The following TBC1D1 variants were observed in gnomAD, a reference collection of about 807,000 sequenced individuals.
TBC1D1 encodes the protein TBC1 domain family member 1.
TBC1D1 carries 89 observed loss-of-function variants against 125.6 expected under a neutral mutation model. The ratio of observed to expected loss-of-function variants is 0.71; its 90% CI spans 0.60 to 0.85. The LOEUF is 0.85. Ranked by LOEUF, TBC1D1 falls within the 40% of genes least tolerant of loss-of-function variation. The pLI, the probability that TBC1D1 is intolerant of heterozygous loss-of-function variation, is 0.00. For missense variants in TBC1D1, 1,377 were observed against 1,469.2 expected, an observed-to-expected ratio of 0.94 and a Z score of 1.03; for synonymous variants, 565 against 564.1, an observed-to-expected ratio of 1.00 and a Z score of -0.02.
chr4:37,915,018 A>G (rs533517686), intron 2 of TBC1D1, among the ~76,000 whole-genome samples: 1 of 152,334 alleles, frequency 6.6e-6, no homozygotes, highest in South Asian at 2.1e-4. Flanking sequence ...TCTCGTTCGG[A>G]ATCATATGCT....
Position 37,948,780 on chromosome 4 carries a change from TC to T in TBC1D1, c.417+46271del, listed in dbSNP as rs1727255290. 2.0e-5 allele frequency among the ~76,000 whole-genome samples: 3 copies of T among 152,190 alleles called. No individual in the cohort carries two copies. In the South Asian group the frequency reaches 6.2e-4, roughly 31 times the overall value. ...TATCAGCTGTCACCCCCCGTCTTCCTCCCTTACTTCTTCAGCCGTAACCACA... is the reference window on the plus strand; with the variant it reads ...TATCAGCTGTCACCCCCCGTCTTCCTCCTTACTTCTTCAGCCGTAACCACA... On this transcript the variant is annotated intron_variant, in intron 2 of 19. Transcript: ENST00000261439.
rs188168588 is a variant in TBC1D1, at chr4:38,083,525, G to A, written c.2051-6407G>A. On this transcript the variant is annotated intron_variant, in intron 12 of 19. Transcript: ENST00000261439. Reference sequence around the variant, plus strand: ...GACAACAATGATGGTAAGAAGAATGGTAGTTGACATTTTATTAAATGTTTA... The same window carrying A: ...GACAACAATGATGGTAAGAAGAATGATAGTTGACATTTTATTAAATGTTTA... Among the ~76,000 whole-genome samples, 236 of 152,324 alleles carry A rather than the reference G, an allele frequency of 1.5e-3. 1 individual carries two copies. Among genetic ancestry groups the A allele is most frequent in the African/African-American group, 5.2e-3 (215 of 41,562 alleles).
chr4:38,017,328 G>C (rs1742968324), intron 3 of TBC1D1, among the ~76,000 whole-genome samples: 3 of 152,230 alleles, frequency 2.0e-5, no homozygotes, highest in Admixed American at 2.0e-4. Context: ...GAGAGACACA[G>C]TCTAGTTTAG....
chr4:37,925,518 C>A (rs1577886230), intron 2 of TBC1D1, among the ~76,000 whole-genome samples: 1 of 151,926 alleles, frequency 6.6e-6, no homozygotes, highest in Non-Finnish European at 1.5e-5. Context: ...GAAATCGAGA[C>A]CATCCTGGCC....
At chr4:37,971,282 C>T (rs758117052) in intron 2 of TBC1D1, among the ~76,000 whole-genome samples, 1 of 152,122 alleles carries the variant, frequency 6.6e-6, no homozygotes, top group Non-Finnish European at 1.5e-5. Flanking sequence ...TAAAGACATA[C>T]CTAAGACTGG....
At chr4:37,896,730 T>C (rs1005793469) in intron 1 of TBC1D1, among the ~76,000 whole-genome samples, 1 of 151,394 alleles carries the variant, frequency 6.6e-6, no homozygotes, top group African/African-American at 2.4e-5. Context: ...TGTCACTAAA[T>C]TTGGACAAGC....
chr4:38,052,592 C>T (rs1267359461), intron 11 of TBC1D1, among the ~76,000 whole-genome samples: 2 of 152,116 alleles, frequency 1.3e-5, no homozygotes, highest in Non-Finnish European at 2.9e-5. Flanking sequence ...GCCTCAGTCT[C>T]CCAAAGTGCT....
At chr4:38,135,876 GTGTGTGTGTGTA>G (rs1560284222) in intron 19 of TBC1D1, among the ~76,000 whole-genome samples, 5 of 150,984 alleles carry the variant, frequency 3.3e-5, no homozygotes, top group African/African-American at 1.2e-4. Flanking sequence ...ATATATATGT[GTGTGTGTGTGTA>G]TATATGTGTG....
chr4:38,100,011 T>C (rs1760025564), intron 14 of TBC1D1, among the ~76,000 whole-genome samples: 1 of 152,202 alleles, frequency 6.6e-6, no homozygotes, highest in Non-Finnish European at 1.5e-5. Context: ...TGAGAAAAAG[T>C]ATTTTGTGAA....
At chr4:38,081,524 T>C (rs1195573370) in intron 12 of TBC1D1, among the ~76,000 whole-genome samples, 1 of 152,242 alleles carries the variant, frequency 6.6e-6, no homozygotes, top group Non-Finnish European at 1.5e-5. Context: ...TTCTCCAGTA[T>C]TCTTCAGTAA....
chr4:38,133,313 A>G, intron 19 of TBC1D1, 56 bp downstream of exon 21: 1 of 1,538,596 alleles, frequency 6.5e-7, no homozygotes. Context: ...TAGTTCATTA[A>G]CTCACCAAAG....
intron 12 of TBC1D1, among the ~76,000 whole-genome samples, chr4:38,062,592 C>A (rs1752956940): frequency 6.6e-6 from 1 of 152,076 alleles, no homozygotes; most frequent in African/African-American, 2.4e-5. Flanking sequence ...GATACTTGAT[C>A]ACCTCCCCAT....
Position 37,995,668 on chromosome 4 carries a change from G to C in TBC1D1, c.418-18841G>C. 1 of 518,728 alleles carries C rather than the reference G, an allele frequency of 1.9e-6. No individual in the cohort carries two copies. The highest frequency in any genetic ancestry group is 3.9e-6 in the Non-Finnish European group (1 of 259,434). The allele number at this position is 518,728 out of a possible 1,614,324, so 32.1% of individuals were successfully genotyped here. On this transcript the variant is annotated intron_variant, in intron 2 of 19. Transcript: ENST00000261439. The surrounding 1 kb of genome is among the most constrained non-coding windows in gnomAD (Gnocchi z 4.3). ...CAACGCCTGGTAATCCATTACATGG[G>C]TCTCCTTGGAGGCCTTGGCCACAGC...
In TBC1D1 at chr4:38,068,962, GA is replaced by G. The variant is rs1312401684; in HGVS notation, c.2050+14626del. Among the ~76,000 whole-genome samples, 6 of 152,348 alleles carry G rather than the reference GA, an allele frequency of 3.9e-5. No homozygotes were observed. The East Asian group carries it at 1.2e-3, about 29-fold the overall frequency. ...TGTGTTGTACTGTCTCCTGACTAAA[GA>G]AGTAAACTTCAGGCAGTCAAGATTT... On this transcript the variant is annotated intron_variant, in intron 12 of 19. Transcript: ENST00000261439.
rs1737712958 is a variant in TBC1D1 at position 37,995,967 on chromosome 4, C to G, written c.418-18542C>G. 1.8e-6 allele frequency: 1 copy of G among 555,492 alleles called. No individual in the cohort carries two copies. Among genetic ancestry groups the G allele is most frequent in the Non-Finnish European group, 3.6e-6 (1 of 280,062 alleles). 34.4% of individuals were successfully genotyped at this position (555,492 alleles called of 1,614,324 possible). ...CTCAAGGACTTCTTTCTTCTCTTGC[C>G]TCTCTGTTTCTACCTCATCCTTGGG... On this transcript the variant is annotated intron_variant, in intron 2 of 19. Transcript: ENST00000261439. This position sits in a 1 kb window ranked among gnomAD's most constrained non-coding sequence, Gnocchi z 4.3.
chr4:38,121,240 T>G (rs1455979955), intron 17 of TBC1D1, among the ~76,000 whole-genome samples: 2 of 152,120 alleles, frequency 1.3e-5, no homozygotes, highest in East Asian at 3.8e-4. Context: ...AGAAGAAAGT[T>G]GAGAAGGCTC....
chr4:38,127,991 G>C (rs1240292098), intron 18 of TBC1D1, among the ~76,000 whole-genome samples: 1 of 152,190 alleles, frequency 6.6e-6, no homozygotes, highest in East Asian at 1.9e-4. Flanking sequence ...ATCCATGACA[G>C]CATGTAAGGG....
intron 2 of TBC1D1, among the ~76,000 whole-genome samples, chr4:37,903,913 C>T (rs1716729002): frequency 6.6e-6 from 1 of 152,212 alleles, no homozygotes; most frequent in South Asian, 2.1e-4. Context: ...CTCAAAACCA[C>T]CATTTCACTC....
At chr4:37,975,437 G>A (rs62298522) in intron 2 of TBC1D1, among the ~76,000 whole-genome samples, 3 of 152,126 alleles carry the variant, frequency 2.0e-5, no homozygotes, top group Non-Finnish European at 4.4e-5. Flanking sequence ...GGATAACTGC[G>A]GGCAGGCCTG....
Sources: allele counts gnomAD v4.1 joint callset (sites outside exome capture counted in the v4.1 genomes callset), GRCh38; gene constraint gnomAD v4.1.1; non-coding constraint Gnocchi (gnomAD v3.1); transcripts MANE v1.5; gene names NCBI Gene and HGNC (gene_info 2026-07-23, HGNC 2026-07-21).